ADAM20: variants seen among roughly 807,000 people sequenced by gnomAD.
ADAM20 encodes the protein disintegrin and metalloproteinase domain-containing protein 20.
For missense variants in ADAM20, 871 were observed against 883.2 expected (o/e 0.99, Z 0.18); for synonymous variants, 305 against 310.2 (o/e 0.98, Z 0.18).
intron 1 of ADAM20, among the ~76,000 whole-genome samples, chr14:70,533,593 C>T (rs1883762143): frequency 1.3e-5 from 2 of 151,954 alleles, no homozygotes; most frequent in African/African-American, 4.8e-5. Context: ...CACACCAATG[C>T]TTGTTGAGGG....
chr14:70,534,606 A>C (rs1595024106), intron 1 of ADAM20, among the ~76,000 whole-genome samples, 191 bp downstream of exon 1: 1 of 152,228 alleles, frequency 6.6e-6, no homozygotes, highest in African/African-American at 2.4e-5. Context: ...CGAGGTATCT[A>C]AAGTAGTAAA....
the ADAM20 span, among the ~76,000 whole-genome samples, chr14:70,574,797 TCAAA>T: frequency 2.0e-5 from 3 of 151,436 alleles, no homozygotes; most frequent in South Asian, 2.1e-4. Context: ...GAAAAACAAA[TCAAA>T]CAAGTGAATT....
chr14:70,534,031 C>G (rs2139542158), intron 1 of ADAM20, among the ~76,000 whole-genome samples: 1 of 125,500 alleles, frequency 8.0e-6, no homozygotes, highest in South Asian at 2.6e-4. Flanking sequence ...TGCAGTGAGC[C>G]AAGATTGGGC....
chr14:70,568,118 G>A, the ADAM20 span, among the ~76,000 whole-genome samples: 1 of 151,444 alleles, frequency 6.6e-6, no homozygotes, highest in Non-Finnish European at 1.5e-5. Flanking sequence ...CTACCAGAAG[G>A]GCTTAGTGCT....
the ADAM20 span, among the ~76,000 whole-genome samples, chr14:70,564,736 ATTTTTTTTTTTTTTTT>A: frequency 1.1e-5 from 1 of 91,850 alleles, no homozygotes; most frequent in South Asian, 4.3e-4. Flanking sequence ...GATAGACGCA[ATTTTTTTTTTTTTTTT>A]TTTTTTTTTT....
chr14:70,555,117 G>C, the ADAM20 span, among the ~76,000 whole-genome samples: 3 of 152,248 alleles, frequency 2.0e-5, no homozygotes, highest in South Asian at 6.2e-4. Context: ...TATGTTCCTG[G>C]CCTTCGGACC....
At chr14:70,536,436 A>C (rs552030418), upstream of ADAM20, among the ~76,000 whole-genome samples, 1 of 133,954 alleles carries the variant, frequency 7.5e-6, no homozygotes, top group South Asian at 2.6e-4. Flanking sequence ...ATTGCACTCC[A>C]GCCTGGGCAA....
chr14:70,555,282 A>G, the ADAM20 span, among the ~76,000 whole-genome samples: 4 of 152,222 alleles, frequency 2.6e-5, no homozygotes, highest in African/African-American at 9.6e-5. Flanking sequence ...AAAAAAAGAA[A>G]AGAAATGAAA....
chr14:70,543,482 T>C, the ADAM20 span, among the ~76,000 whole-genome samples: 1 of 152,188 alleles, frequency 6.6e-6, no homozygotes, highest in African/African-American at 2.4e-5. Flanking sequence ...GTTGTTTCTA[T>C]CTCAACCAGT....
chr14:70,523,846 TTG>T lies in ADAM20; in HGVS notation c.910_911del (p.Gln304ArgfsTer10), dbSNP rs1162831487. The T allele has an allele frequency of 1.2e-5, 20 of 1,613,886 alleles. No homozygotes were observed. The highest frequency in any genetic ancestry group is 1.5e-5 in the Non-Finnish European group (18 of 1,179,954). ...CATAGGCAACACCAAGCTTCATGCC[TTG>T]TGTGTCTTTTATGAAAAGATGTGCA... Reference protein sequence around the residue: ...DVAHLFIKDTQGMKLGVAYVK... With the variant: ...DVAHLFIKDTXGMKLGVAYVK... On this transcript the variant is annotated frameshift_variant, in exon 2 of 2. Coordinates refer to ENST00000256389, the MANE Select transcript of ADAM20 (RefSeq NM_003814.5). LOFTEE classifies it low-confidence loss of function (END_TRUNC).
chr14:70,578,990 G>T, the ADAM20 span, among the ~76,000 whole-genome samples: 3 of 152,212 alleles, frequency 2.0e-5, no homozygotes, highest in Admixed American at 1.3e-4. Flanking sequence ...GCCTCCAGCT[G>T]CTTTCATGTT....
At chr14:70,539,440 A>G (rs899704666), upstream of ADAM20, among the ~76,000 whole-genome samples, 1 of 152,232 alleles carries the variant, frequency 6.6e-6, no homozygotes, top group Non-Finnish European at 1.5e-5. Flanking sequence ...AAATGGACGC[A>G]TGAGGGGCGC....
upstream of ADAM20, among the ~76,000 whole-genome samples, chr14:70,537,942 T>C (rs1883869488): frequency 6.6e-6 from 1 of 152,030 alleles, no homozygotes; most frequent in Non-Finnish European, 1.5e-5. Context: ...ATCCCAACCC[T>C]CCCTGTGTCA....
At chr14:70,544,816 T>C in the ADAM20 span, among the ~76,000 whole-genome samples, 1 of 152,130 alleles carries the variant, frequency 6.6e-6, no homozygotes, top group African/African-American at 2.4e-5. Context: ...ATATGTATAG[T>C]CATTACATGT....
chr14:70,574,968 A>G, the ADAM20 span, among the ~76,000 whole-genome samples: 13 of 152,050 alleles, frequency 8.5e-5, no homozygotes, highest in Admixed American at 8.5e-4. Context: ...AATCTACTTT[A>G]ATGAAGCACC....
the ADAM20 span, among the ~76,000 whole-genome samples, chr14:70,574,437 G>C: frequency 4.5e-4 from 68 of 152,128 alleles, no homozygotes; most frequent in African/African-American, 1.6e-3. Flanking sequence ...TCAGGAGATT[G>C]AGACCATCCT....
intron 1 of ADAM20, among the ~76,000 whole-genome samples, chr14:70,527,501 A>G (rs1460080487): frequency 1.3e-5 from 2 of 152,132 alleles, no homozygotes; most frequent in African/African-American, 4.8e-5. Context: ...TGCCACTAGA[A>G]CTTTCTCTCT....
intron 1 of ADAM20, among the ~76,000 whole-genome samples, chr14:70,526,956 A>G (rs941805077): frequency 1.5e-4 from 23 of 152,324 alleles, no homozygotes; most frequent in African/African-American, 5.5e-4. Context: ...AGGAAACACA[A>G]TTGTGTTGAA....
rs200719564 is a variant in ADAM20 at position 70,523,087 on chromosome 14, A to T, written c.1671T>A (p.Pro557=). The change falls in exon 2 of 2, where the codon CCT becomes CCA. Residue 557 remains proline (P), a synonymous_variant. Coordinates refer to ENST00000256389, the MANE Select transcript of ADAM20 (RefSeq NM_003814.5). ...VGTTYVKCWT[P]DIMCGRVQCE... ...ACTGAACCCTCCCACACATGATATC[A>T]GGGGTCCAACATTTTACATATGTTG... 2 of 1,613,976 alleles carry T rather than the reference A, an allele frequency of 1.2e-6. No homozygotes were observed. Among genetic ancestry groups the T allele is most frequent in the African/African-American group, 2.7e-5 (2 of 75,034 alleles).
Sources: allele counts gnomAD v4.1 joint callset (sites outside exome capture counted in the v4.1 genomes callset), GRCh38; gene constraint gnomAD v4.1.1; transcripts MANE v1.5; gene names NCBI Gene and HGNC (gene_info 2026-07-23, HGNC 2026-07-21).